Variants in VIT observed in about 807,000 individuals in gnomAD.
VIT encodes vitrin.
Under a neutral mutation model 78.0 loss-of-function variants are expected in VIT, and 99 were observed. The observed-to-expected ratio is 1.27, with a 90% CI of 1.08 to 1.50. The LOEUF (loss-of-function observed/expected upper bound fraction) is 1.50. VIT is among the 40% of genes most tolerant of loss of function. VIT has a pLI of 0.00. For missense variants in VIT, 1,126 were observed against 875.3 expected (o/e 1.29, Z -3.61); for synonymous variants, 374 against 334.3 (o/e 1.12, Z -1.29).
chr2:36,736,304 G>T (rs1277971231), intron 3 of VIT, among the ~76,000 whole-genome samples: 1 of 152,086 alleles, frequency 6.6e-6, no homozygotes, highest in Admixed American at 6.5e-5. Flanking sequence ...ACATTTTAAG[G>T]ATTAATTTCA....
chr2:36,754,338 AC>A (rs1478011788), intron 4 of VIT, among the ~76,000 whole-genome samples: 2 of 152,094 alleles, frequency 1.3e-5, no homozygotes, highest in African/African-American at 2.4e-5. Context: ...CCAGATGGAG[AC>A]CCTGCCTAAC....
chr2:36,702,784 G>A (rs1162756146), intron 1 of VIT, among the ~76,000 whole-genome samples: 1 of 152,160 alleles, frequency 6.6e-6, no homozygotes, highest in African/African-American at 2.4e-5. Flanking sequence ...CATAGGGCAT[G>A]TCTATGGGTG....
At chr2:36,710,873 A>G (rs1665759768) in intron 1 of VIT, among the ~76,000 whole-genome samples, 1 of 152,256 alleles carries the variant, frequency 6.6e-6, no homozygotes, top group Non-Finnish European at 1.5e-5. Flanking sequence ...ATACACATGC[A>G]GAAGTCATTG....
intron 11 of VIT, among the ~76,000 whole-genome samples, chr2:36,786,204 C>T (rs1558571146): frequency 6.6e-6 from 1 of 151,564 alleles, no homozygotes; most frequent in Admixed American, 6.6e-5. Context: ...TGTTTTGAAA[C>T]ATTTTTGTCT....
chr2:36,788,158 G>A (rs1285501284), intron 12 of VIT: 1 of 195,560 alleles, frequency 5.1e-6, no homozygotes, highest in African/African-American at 2.4e-5. Flanking sequence ...AAGGACCAGT[G>A]GGTGTGGAAG....
intron 12 of VIT, among the ~76,000 whole-genome samples, chr2:36,799,935 C>G (rs1161200948): frequency 2.0e-5 from 3 of 151,514 alleles, no homozygotes; most frequent in Non-Finnish European, 4.4e-5. Context: ...GTAGTCCCAG[C>G]TACTTGGGAG....
At chr2:36,796,306 T>C (rs539991802) in intron 12 of VIT, among the ~76,000 whole-genome samples, 7 of 152,314 alleles carry the variant, frequency 4.6e-5, no homozygotes, top group Non-Finnish European at 8.8e-5. Flanking sequence ...GAAAAACACA[T>C]GTAAAACAAG....
At chr2:36,737,952 G>C (rs566338928) in intron 3 of VIT, among the ~76,000 whole-genome samples, 21 of 152,360 alleles carry the variant, frequency 1.4e-4, no homozygotes, top group African/African-American at 4.8e-4. Context: ...AGAAGGCAGA[G>C]ACTGTCTGTG....
At chr2:36,755,974 T>TTTTTTTTG (rs1668737562) in intron 5 of VIT, among the ~76,000 whole-genome samples, 2 of 149,678 alleles carry the variant, frequency 1.3e-5, no homozygotes, top group South Asian at 2.1e-4. Context: ...TTTTTTTTTT[T>TTTTTTTTG]GAGACGGAGT....
Position 36,808,835 on chromosome 2 carries a change from G to T in VIT, c.1753G>T (p.Gly585Cys). ...CATCAAGAGGGTGGGCTACTGGAGT[G>T]GTGGCACCAGCACGGGGGCTGCCAT... ...NAIKRVGYWS[G>C]GTSTGAAINF... The change falls in exon 15 of 16, where the codon GGT (glycine) becomes TGT (cysteine). Residue 585 changes from glycine (G) to cysteine (C), a missense_variant. By Grantham distance (159) the Gly-to-Cys change is radical. Coordinates refer to ENST00000379242, the MANE Select transcript of VIT (RefSeq NM_053276.4). The T allele has an allele frequency of 1.2e-6, 2 of 1,614,204 alleles. No individual in the cohort carries two copies. Among genetic ancestry groups the T allele is most frequent in the Non-Finnish European group, 1.7e-6 (2 of 1,180,030 alleles).
chr2:36,771,182 C>T (rs1669727214), intron 7 of VIT, among the ~76,000 whole-genome samples: 1 of 151,932 alleles, frequency 6.6e-6, no homozygotes, highest in African/African-American at 2.4e-5. Flanking sequence ...AGGCCATAAC[C>T]AGGCAAGCCA....
intron 3 of VIT, among the ~76,000 whole-genome samples, chr2:36,732,054 A>G (rs576542267): frequency 6.6e-6 from 1 of 152,360 alleles, no homozygotes; most frequent in Admixed American, 6.5e-5. Context: ...TGTCAGGACC[A>G]AGAGCCAAGA....
At position 36,776,813 on chromosome 2, in the gene VIT, T is replaced by A. The variant is rs9308996; in HGVS notation, c.802+1746T>A. ...CCATCTCAAAAAAAATAAAATGGCC[T>A]GGCGCGGTGGCTCACACCTGTATCC... On this transcript the variant is annotated intron_variant, in intron 9 of 15. Coordinates refer to ENST00000379242, the MANE Select transcript of VIT (RefSeq NM_053276.4). Among the ~76,000 whole-genome samples the A allele has an allele frequency of 4.6e-5, 7 of 150,726 alleles. No individual in the cohort carries two copies. The East Asian group carries it at 6.0e-4, about 13-fold the overall frequency.
intron 13 of VIT, among the ~76,000 whole-genome samples, chr2:36,801,732 C>T (rs926536278): frequency 1.3e-5 from 2 of 149,990 alleles, no homozygotes; most frequent in African/African-American, 4.9e-5. Context: ...GCCAAGATGG[C>T]GCCACTGCAC....
At chr2:36,716,514 A>C (rs918680871) in intron 2 of VIT, 92 bp downstream of exon 2, 1 of 1,113,466 alleles carries the variant, frequency 9.0e-7, no homozygotes, top group Non-Finnish European at 1.4e-6. Context: ...ACCAAGACAG[A>C]GCATATAAAC....
At chr2:36,797,061 T>G (rs112486675) in intron 12 of VIT, among the ~76,000 whole-genome samples, 4 of 152,186 alleles carry the variant, frequency 2.6e-5, no homozygotes, top group African/African-American at 9.6e-5. Context: ...TTTTGCAATT[T>G]TTCATTTTGT....
chr2:36,758,760 T>C (rs1450765744), intron 5 of VIT, among the ~76,000 whole-genome samples: 3 of 152,180 alleles, frequency 2.0e-5, no homozygotes, highest in African/African-American at 4.8e-5. Context: ...GTTGGTTGCT[T>C]CCATTCTAAT....
At chr2:36,701,829 A>C (rs2148408125) in intron 1 of VIT, among the ~76,000 whole-genome samples, 1 of 152,322 alleles carries the variant, frequency 6.6e-6, no homozygotes, top group Non-Finnish European at 1.5e-5. Flanking sequence ...GCACTCCAAA[A>C]GGCAAAAAGA....
intron 1 of VIT, among the ~76,000 whole-genome samples, chr2:36,704,124 C>G (rs1006421210): frequency 6.6e-6 from 1 of 151,902 alleles, no homozygotes; most frequent in Non-Finnish European, 1.5e-5. Flanking sequence ...TGGGGTTTCA[C>G]CATGTTGGCT....
Sources: gnomAD v4.1 joint callset for allele counts (sites outside exome capture counted in the v4.1 genomes callset) on GRCh38, gnomAD v4.1.1 for gene constraint, MANE v1.5 for transcripts, NCBI Gene and HGNC (gene_info 2026-07-23, HGNC 2026-07-21) for gene names.